The following HEPACAM2 variants were observed in gnomAD, a reference collection of about 807,000 sequenced individuals.
HEPACAM2 encodes HEPACAM family member 2, also known as mitotic kinetics regulator.
Under a neutral mutation model 49.6 loss-of-function variants are expected in HEPACAM2, and 49 were observed. That is an observed-to-expected ratio of 0.99 (90% CI 0.78 to 1.25). The LOEUF (loss-of-function observed/expected upper bound fraction) is 1.25, where lower values mean the gene tolerates loss of function less well. Ranked by LOEUF, HEPACAM2 falls within the 50% of genes most tolerant of loss-of-function variation. The pLI, the probability that HEPACAM2 is intolerant of heterozygous loss-of-function variation, is 0.00. For missense variants in HEPACAM2, 525 were observed against 557.2 expected (o/e 0.94, Z 0.58); for synonymous variants, 197 against 202.9 (o/e 0.97, Z 0.25).
chr7:93,198,359 T>C (rs950258452), intron 4 of HEPACAM2, among the ~76,000 whole-genome samples: 3 of 152,108 alleles, frequency 2.0e-5, no homozygotes, highest in African/African-American at 7.2e-5. Context: ...GAGATTATTT[T>C]ATCATCCCTT....
chr7:93,229,641 C>T (rs953836198), upstream of HEPACAM2, among the ~76,000 whole-genome samples: 6 of 152,166 alleles, frequency 3.9e-5, no homozygotes, highest in Non-Finnish European at 7.3e-5. Flanking sequence ...CACTCCTTTA[C>T]CAAGGAATTG....
chr7:93,232,118 T>C, the HEPACAM2 span, among the ~76,000 whole-genome samples: 1 of 152,142 alleles, frequency 6.6e-6, no homozygotes, highest in Admixed American at 6.5e-5. Flanking sequence ...ACCTGTGACT[T>C]AGGTTTCCGT....
chr7:93,225,971 A>C (rs1351180586), intron 1 of HEPACAM2: 1 of 1,155,554 alleles, frequency 8.7e-7, no homozygotes, highest in Admixed American at 2.6e-5. Flanking sequence ...AAAAGAAAAC[A>C]ATTTTCGTAA....
chr7:93,224,245 A>G (rs1794500871), intron 1 of HEPACAM2, among the ~76,000 whole-genome samples: 1 of 152,132 alleles, frequency 6.6e-6, no homozygotes, highest in Admixed American at 6.6e-5. Flanking sequence ...TGGGCAACAC[A>G]GCGAGACCTC....
chr7:93,208,620 C>T lies in HEPACAM2; in HGVS notation c.972G>A (p.Arg324=). The change falls in exon 4 of 10, where the codon AGG becomes AGA. Residue 324 remains arginine, a synonymous_variant. Coordinates refer to ENST00000394468, the MANE Select transcript of HEPACAM2 (RefSeq NM_001039372.4). ...VCCAYNNITG[R]QDETHFTVII... ...TAACTGTGAAATGAGTTTCATCTTG[C>T]CTGCCGGTTATGTTGTTGTAAGCAC... is the stretch of plus-strand genomic sequence containing the variant. 1 of 1,612,930 alleles carries T rather than the reference C, an allele frequency of 6.2e-7. No individual in the cohort carries two copies. Among genetic ancestry groups the T allele is most frequent in the East Asian group, 2.2e-5 (1 of 44,840 alleles).
chr7:93,219,510 G>A (rs1256860072), intron 1 of HEPACAM2, 59 bp from the exon 2 acceptor site: 2 of 1,605,874 alleles, frequency 1.2e-6, no homozygotes, highest in South Asian at 1.1e-5. Flanking sequence ...AATCTAAAGG[G>A]GCAAATGCAG....
chr7:93,216,959 T>C (rs1011334602), intron 2 of HEPACAM2, among the ~76,000 whole-genome samples: 3 of 152,144 alleles, frequency 2.0e-5, no homozygotes, highest in East Asian at 1.9e-4. Flanking sequence ...CCAGAGAAGA[T>C]AGAAGAAAGT....
intron 3 of HEPACAM2, among the ~76,000 whole-genome samples, chr7:93,211,664 G>A (rs1794181803): frequency 6.6e-6 from 1 of 151,948 alleles, no homozygotes; most frequent in Non-Finnish European, 1.5e-5. Flanking sequence ...GACCCTTCAT[G>A]TTGTCAGCAT....
chr7:93,208,185 A>G (rs1794077938), intron 4 of HEPACAM2, among the ~76,000 whole-genome samples: 1 of 152,036 alleles, frequency 6.6e-6, no homozygotes, highest in Non-Finnish European at 1.5e-5. Flanking sequence ...AATCAAATAG[A>G]AGTAGGAAAA....
intron 1 of HEPACAM2, among the ~76,000 whole-genome samples, chr7:93,221,219 AG>A (rs1794442745): frequency 6.6e-6 from 1 of 152,182 alleles, no homozygotes; most frequent in Non-Finnish European, 1.5e-5. Flanking sequence ...ATCCTTAAGC[AG>A]GTGAGAAGAG....
chr7:93,223,901 C>A (rs938652926), intron 1 of HEPACAM2, among the ~76,000 whole-genome samples: 3 of 152,098 alleles, frequency 2.0e-5, no homozygotes, highest in Non-Finnish European at 4.4e-5. Context: ...TAATTGAATG[C>A]TTCCTCCACA....
chr7:93,214,220 T>C (rs1330269801), intron 3 of HEPACAM2, among the ~76,000 whole-genome samples: 1 of 152,132 alleles, frequency 6.6e-6, no homozygotes, highest in Admixed American at 6.6e-5. Flanking sequence ...AATGAGTGCA[T>C]AAATGAATAA....
At chr7:93,210,777 T>G (rs1437888766) in intron 3 of HEPACAM2, among the ~76,000 whole-genome samples, 1 of 151,958 alleles carries the variant, frequency 6.6e-6, no homozygotes, top group African/African-American at 2.4e-5. Context: ...AAAAATAGAA[T>G]GTAGTAACTA....
rs971100449 is a variant in HEPACAM2, at chr7:93,192,446, T to G, written c.1276-83A>C. On this transcript the variant is annotated intron_variant, in intron 8 of 9. Coordinates refer to ENST00000394468, the MANE Select transcript of HEPACAM2 (RefSeq NM_001039372.4). ...ACTATGTTGCATAGTTGAAAACAACTGGCAGTAGTGATGATTAGAGAATTA... is the reference window on the plus strand; with the variant it reads ...ACTATGTTGCATAGTTGAAAACAACGGGCAGTAGTGATGATTAGAGAATTA... 3.2e-6 allele frequency: 3 copies of G among 948,406 alleles called. No homozygotes were observed. In the African/African-American group the frequency reaches 4.9e-5, roughly 15 times the overall value. The allele number at this position is 948,406 out of a possible 1,614,324, so 58.7% of individuals were successfully genotyped here. A position where few individuals can be genotyped will look rare whatever the true frequency, so the allele number is the denominator to read the frequency against.
intron 3 of HEPACAM2, among the ~76,000 whole-genome samples, chr7:93,215,008 T>TG (rs1794266118): frequency 6.6e-6 from 1 of 152,138 alleles, no homozygotes; most frequent in African/African-American, 2.4e-5. Flanking sequence ...GAATAAAGTA[T>TG]GTTAAATTCA....
intron 1 of HEPACAM2, chr7:93,225,839 C>T (rs1397672009): frequency 1.2e-6 from 1 of 845,648 alleles, no homozygotes; most frequent in Admixed American, 3.0e-5. Context: ...CAAATACGTT[C>T]TCCCTTTTGT....
chr7:93,231,611 G>A, the HEPACAM2 span, among the ~76,000 whole-genome samples: 1 of 152,116 alleles, frequency 6.6e-6, no homozygotes. Flanking sequence ...TCTCATAATT[G>A]TAAAGTCCTT....
chr7:93,228,096 T>C (rs984721681), upstream of HEPACAM2, among the ~76,000 whole-genome samples: 9 of 152,222 alleles, frequency 5.9e-5, no homozygotes, highest in Non-Finnish European at 1.0e-4. Flanking sequence ...ATTGCCGTTA[T>C]CAAATTAGCT....
intron 4 of HEPACAM2, among the ~76,000 whole-genome samples, chr7:93,208,330 A>G (rs1380075302): frequency 6.6e-6 from 1 of 152,046 alleles, no homozygotes; most frequent in Non-Finnish European, 1.5e-5. Flanking sequence ...ATTTAGAAGT[A>G]ATTTGTGGAA....
Sources: allele counts gnomAD v4.1 joint callset (sites outside exome capture counted in the v4.1 genomes callset), GRCh38; gene constraint gnomAD v4.1.1; transcripts MANE v1.5; gene names NCBI Gene and HGNC (gene_info 2026-07-23, HGNC 2026-07-21).